The following AUTS2 variants were observed in gnomAD, a reference collection of about 807,000 sequenced individuals.
AUTS2 encodes the protein activator of transcription and developmental regulator AUTS2.
AUTS2 carries 17 observed loss-of-function variants against 112.4 expected under a neutral mutation model. The observed-to-expected ratio is 0.15, with a 90% CI of 0.10 to 0.23. The LOEUF (loss-of-function observed/expected upper bound fraction) is 0.23. Ranked by LOEUF, AUTS2 falls within the 10% of genes least tolerant of loss-of-function variation. The pLI, the probability that AUTS2 is intolerant of heterozygous loss-of-function variation, is 1.00. For synonymous variants in AUTS2, 751 were observed against 702.7 expected, an observed-to-expected ratio of 1.07 and a Z score of -1.09; for missense variants, 1,510 against 1,701.6, an observed-to-expected ratio of 0.89 and a Z score of 1.98.
intron 2 of AUTS2, among the ~76,000 whole-genome samples, chr7:70,088,289 A>G (rs191832327): frequency 6.8e-4 from 103 of 151,650 alleles, no homozygotes; most frequent in African/African-American, 2.3e-3. Flanking sequence ...ACGCCTGGCT[A>G]AATTTGTTTT....
At chr7:70,383,698 G>A (rs1236429907) in intron 4 of AUTS2, among the ~76,000 whole-genome samples, 4 of 152,198 alleles carry the variant, frequency 2.6e-5, no homozygotes, top group East Asian at 3.9e-4. Flanking sequence ...TGAAAAGCCT[G>A]CCTCTCTGTC....
chr7:70,038,756 C>G (rs1801117589), intron 2 of AUTS2, among the ~76,000 whole-genome samples: 1 of 151,808 alleles, frequency 6.6e-6, no homozygotes, highest in Non-Finnish European at 1.5e-5. Flanking sequence ...TTTCCTGAGC[C>G]CTGGGTTTCT....
At chr7:69,634,556 T>C (rs1236587273) in intron 1 of AUTS2, among the ~76,000 whole-genome samples, 1 of 152,222 alleles carries the variant, frequency 6.6e-6, no homozygotes, top group Non-Finnish European at 1.5e-5. Flanking sequence ...TCAACAGTTA[T>C]CTTGAAAATC....
chr7:70,004,218 A>G (rs933381166), intron 2 of AUTS2, among the ~76,000 whole-genome samples: 1 of 136,168 alleles, frequency 7.3e-6, no homozygotes, highest in East Asian at 2.0e-4. Context: ...TGAATGTGTT[A>G]TATGTGAATA....
At chr7:70,400,449 G>A (rs183899070) in intron 4 of AUTS2, among the ~76,000 whole-genome samples, 21 of 152,232 alleles carry the variant, frequency 1.4e-4, no homozygotes, top group Admixed American at 1.3e-3. Context: ...TGATGCAAAT[G>A]GAGAAGGAAG....
chr7:70,730,043 C>G (rs756677517), intron 6 of AUTS2, among the ~76,000 whole-genome samples: 1 of 152,054 alleles, frequency 6.6e-6, no homozygotes, highest in African/African-American at 2.4e-5. Flanking sequence ...CCACCACGCC[C>G]GGCTAATTTT....
intron 5 of AUTS2, among the ~76,000 whole-genome samples, chr7:70,618,153 C>T (rs113902637): frequency 1.4e-4 from 22 of 152,338 alleles, no homozygotes; most frequent in African/African-American, 4.8e-4. Flanking sequence ...TTAACAGTTA[C>T]GTTCTTATTG....
intron 2 of AUTS2, among the ~76,000 whole-genome samples, chr7:70,046,430 T>A (rs1563063057): frequency 6.6e-6 from 1 of 152,232 alleles, no homozygotes; most frequent in Non-Finnish European, 1.5e-5. Flanking sequence ...AAGTGCTAGC[T>A]ATTATAGTGA....
At chr7:69,752,524 A>C (rs1191820317) in intron 1 of AUTS2, among the ~76,000 whole-genome samples, 3 of 152,226 alleles carry the variant, frequency 2.0e-5, no homozygotes, top group Admixed American at 6.5e-5. Flanking sequence ...GATAAGTTTA[A>C]GGCTTTTAAT....
intron 1 of AUTS2, among the ~76,000 whole-genome samples, chr7:69,814,538 G>A (rs147971763): frequency 8.5e-4 from 129 of 152,342 alleles, no homozygotes; most frequent in Non-Finnish European, 1.5e-3. Context: ...CAGGCCACCC[G>A]GGCGAGGGCC....
At chr7:70,610,090 C>G (rs1389066992) in intron 5 of AUTS2, among the ~76,000 whole-genome samples, 1 of 152,092 alleles carries the variant, frequency 6.6e-6, no homozygotes, top group Non-Finnish European at 1.5e-5. Context: ...ATCTCCACCT[C>G]CTGGGTTAAA....
chr7:69,909,851 A>G (rs888416351), intron 2 of AUTS2, among the ~76,000 whole-genome samples: 1 of 152,224 alleles, frequency 6.6e-6, no homozygotes, highest in African/African-American at 2.4e-5. Flanking sequence ...CCTGGAGATT[A>G]GTGCAAAATA....
At chr7:69,888,813 A>G (rs546800441) in intron 1 of AUTS2, among the ~76,000 whole-genome samples, 15 of 152,048 alleles carry the variant, frequency 9.9e-5, no homozygotes, top group African/African-American at 3.6e-4. Flanking sequence ...AGCTCAGGCA[A>G]TCCACCTGCC....
At chr7:70,732,291 C>T (rs17604378) in intron 6 of AUTS2, among the ~76,000 whole-genome samples, 5,417 of 152,276 alleles carry the variant, frequency 0.036, 139 homozygotes, top group Middle Eastern at 0.099. Context: ...GAATTTCTAG[C>T]AGGTCTCATC....
chr7:70,533,314 T>C (rs547417500), intron 5 of AUTS2, among the ~76,000 whole-genome samples: 3 of 152,122 alleles, frequency 2.0e-5, no homozygotes, highest in Admixed American at 2.0e-4. Flanking sequence ...CGGTCTCGCT[T>C]TGCTGCCCAG....
At chr7:70,214,504 A>C (rs1001162127) in intron 4 of AUTS2, among the ~76,000 whole-genome samples, 1 of 152,238 alleles carries the variant, frequency 6.6e-6, no homozygotes, top group Non-Finnish European at 1.5e-5. Context: ...TCAGTCACAC[A>C]CATACAGATG....
chr7:69,920,276 C>T (rs760844313), intron 2 of AUTS2, among the ~76,000 whole-genome samples: 1 of 151,948 alleles, frequency 6.6e-6, no homozygotes, highest in Non-Finnish European at 1.5e-5. Flanking sequence ...CTCTCCTCTC[C>T]TGTCCTCTCT....
chr7:69,865,173 G>GAGT (rs1207456747), intron 1 of AUTS2, among the ~76,000 whole-genome samples: 1 of 151,616 alleles, frequency 6.6e-6, no homozygotes, highest in Non-Finnish European at 1.5e-5. Context: ...TGCTTGAAGT[G>GAGT]AGTGATGGCT....
chr7:70,198,517 C>T (rs1181568272), intron 4 of AUTS2, among the ~76,000 whole-genome samples: 1 of 140,968 alleles, frequency 7.1e-6, no homozygotes. Context: ...GAGCTGAAAA[C>T]CAAGGCTCGA....
Sources: allele counts gnomAD v4.1 joint callset (sites outside exome capture counted in the v4.1 genomes callset), GRCh38; gene constraint gnomAD v4.1.1; transcripts MANE v1.5; gene names NCBI Gene and HGNC (gene_info 2026-07-23, HGNC 2026-07-21).